The following MSL3 variants were observed in gnomAD, a reference collection of about 807,000 sequenced individuals.
MSL3 encodes MSL3-like 1.
MSL3 carries 5 observed loss-of-function variants against 37.2 expected under a neutral mutation model. That is an observed-to-expected ratio of 0.13 (90% confidence interval 0.07 to 0.28). The LOEUF (loss-of-function observed/expected upper bound fraction) is 0.28, where lower values mean the gene tolerates loss of function less well. Ranked by LOEUF, MSL3 falls within the 10% of genes least tolerant of loss-of-function variation. The pLI is 1.00. For missense variants in MSL3, 315 were observed against 408.5 expected, an observed-to-expected ratio of 0.77 and a Z score of 1.97; for synonymous variants, 149 against 147.6, an observed-to-expected ratio of 1.01 and a Z score of -0.07.
intron 7 of MSL3, 48 bp downstream of exon 7, chrX:11,763,045 AG>A: frequency 9.4e-7 from 1 of 1,063,608 alleles, no homozygotes; most frequent in Non-Finnish European, 1.2e-6. Context: ...TGTATTAGAG[AG>A]GTGGCTTCCA....
At chrX:11,773,200 A>G (rs1462266265) in intron 12 of MSL3, among the ~76,000 whole-genome samples, 1 of 111,951 alleles carries the variant, frequency 8.9e-6, no homozygotes, top group Non-Finnish European at 1.9e-5. Flanking sequence ...ATTCAGACCA[A>G]GGTATTGTTT....
At chrX:11,760,646 C>T (rs2053123485) in intron 3 of MSL3, 148 bp downstream of exon 3, 1 of 486,791 alleles carries the variant, frequency 2.1e-6, no homozygotes, top group African/African-American at 2.9e-5. Flanking sequence ...AAGAGTGTTC[C>T]TATGGTATTC....
Position 11,772,029 on chromosome X carries a change from C to T in MSL3, c.1282-127C>T, listed in dbSNP as rs1601774226. On this transcript the variant is annotated intron_variant, in intron 10 of 12. Transcript: ENST00000312196. Reference sequence around the variant, plus strand: ...GCCTTTCATCTTTGTTTTTTGTAAGCTTGTGTTTATTTTGATCCAATCACT... The same window carrying T: ...GCCTTTCATCTTTGTTTTTTGTAAGTTTGTGTTTATTTTGATCCAATCACT... The T allele has an allele frequency of 8.3e-6, 4 of 483,331 alleles. No individual in the cohort carries two copies. The East Asian group carries it at 1.4e-4, about 17-fold the overall frequency. The allele number at this position is 483,331 out of a possible 1,213,427, so 39.8% of individuals were successfully genotyped here. A position where few individuals can be genotyped will look rare whatever the true frequency, so the allele number is the denominator to read the frequency against.
chrX:11,759,273 C>A (rs966193993), intron 1 of MSL3, among the ~76,000 whole-genome samples: 1 of 112,333 alleles, frequency 8.9e-6, no homozygotes, highest in Non-Finnish European at 1.9e-5. Context: ...GCCTTCAGTT[C>A]CCTCCCCTGC....
intron 2 of MSL3, 120 bp downstream of exon 2, chrX:11,759,995 T>C: frequency 3.6e-6 from 3 of 831,436 alleles, no homozygotes; most frequent in Non-Finnish European, 5.0e-6. Flanking sequence ...TTTTACTTTG[T>C]AGCATTGCAA....
intron 1 of MSL3, chrX:11,758,650 G>T (rs1176246149): frequency 1.7e-6 from 2 of 1,160,866 alleles, no homozygotes; most frequent in African/African-American, 3.6e-5. Context: ...GCCCCCGACT[G>T]CAACGGTGGC....
At chrX:11,774,901 G>A in intron 12 of MSL3, 79 bp from the exon 13 acceptor site, 1 of 684,766 alleles carries the variant, frequency 1.5e-6, no homozygotes, top group Non-Finnish European at 2.3e-6. Flanking sequence ...TGAAATGTTA[G>A]TAGGTTGAAA....
At chrX:11,758,490 T>G in intron 1 of MSL3, 125 bp downstream of exon 1, 1 of 986,604 alleles carries the variant, frequency 1.0e-6, no homozygotes, top group Non-Finnish European at 1.3e-6. Context: ...CGAGGAGCGG[T>G]GCGGCCGGCA....
rs1168338756 is a variant in MSL3, at chrX:11,768,019, G to C, written c.1172-554G>C. On this transcript the variant is annotated intron_variant, in intron 9 of 12. Transcript: ENST00000312196. ...ATTTTTTATTTGTATTTATTGATGT[G>C]AAATTCACATATAAAATTAACCATT... 9.1e-6 allele frequency: 6 copies of C among 659,136 alleles called. No individual in the cohort carries two copies. The African/African-American group carries it at 9.5e-5, about 10-fold the overall frequency. 54.3% of individuals were successfully genotyped at this position (659,136 alleles called of 1,213,427 possible).
chrX:11,766,637 G>C lies in MSL3; in HGVS notation c.1171+908G>C, dbSNP rs769945378. 22 of 753,314 alleles carry C rather than the reference G, an allele frequency of 2.9e-5. No homozygotes were observed. The South Asian group carries it at 1.2e-3, about 39-fold the overall frequency. The allele number at this position is 753,314 out of a possible 1,213,427, so 62.1% of individuals were successfully genotyped here. On this transcript the variant is annotated intron_variant, in intron 9 of 12. Transcript: ENST00000312196. ...GAAAGTTGATGGCAGCAGGGCCGACGATGTCACCTGGTGCCTCGCGGGCTC... is the reference window on the plus strand; with the variant it reads ...GAAAGTTGATGGCAGCAGGGCCGACCATGTCACCTGGTGCCTCGCGGGCTC...
chrX:11,762,669 A>G (rs1376342006), intron 6 of MSL3, among the ~76,000 whole-genome samples, 168 bp from the exon 7 acceptor site: 2 of 113,063 alleles, frequency 1.8e-5, no homozygotes, highest in African/African-American at 6.4e-5. Flanking sequence ...CAGTAGAGAA[A>G]AAAAGATCAA....
chrX:11,765,237 G>C (rs1333627457), intron 8 of MSL3, among the ~76,000 whole-genome samples: 1 of 112,045 alleles, frequency 8.9e-6, no homozygotes, highest in Non-Finnish European at 1.9e-5. Context: ...TCTGTTCCCT[G>C]TCAGGGCAAC....
intron 1 of MSL3, 147 bp downstream of exon 1, chrX:11,758,512 C>A: frequency 1.9e-6 from 2 of 1,031,118 alleles, no homozygotes; most frequent in East Asian, 3.9e-5. Flanking sequence ...GGGGCGCTCA[C>A]AGGGCGCTAC....
At chrX:11,759,566 T>G in intron 1 of MSL3, 1 of 1,017,427 alleles carries the variant, frequency 9.8e-7, no homozygotes, top group Non-Finnish European at 1.3e-6. Context: ...AGCCTCACAC[T>G]GTCTCACGCT....
At chrX:11,766,737 CAG>C (rs776391695) in intron 9 of MSL3, 7 of 753,383 alleles carry the variant, frequency 9.3e-6, no homozygotes, top group Non-Finnish European at 1.1e-5. Context: ...GAGGTGGAAA[CAG>C]AGCTACGCCA....
At chrX:11,763,070 A>G in intron 7 of MSL3, 73 bp downstream of exon 7, 1 of 841,129 alleles carries the variant, frequency 1.2e-6, no homozygotes, top group African/African-American at 2.1e-5. Flanking sequence ...AGAACAGGTG[A>G]CACTTGTCTC....
chrX:11,765,521 G>T lies in MSL3; in HGVS notation c.963G>T (p.Gln321His), dbSNP rs1390232029. The change falls in exon 9 of 13, where the codon CAG (glutamine) becomes CAT (histidine). Residue 321 changes from glutamine to histidine, a missense_variant. Transcript: ENST00000312196. ...CTTTGTTGAATCCATCCACGCCACA[G>T]TCCACAGAGAGTCAGCCGACCACCG... is the stretch of plus-strand genomic sequence containing the variant. Reference protein sequence around the residue: ...SPPLLNPSTPQSTESQPTTGE... With the variant: ...SPPLLNPSTPHSTESQPTTGE... 1 of 1,210,190 alleles carries T rather than the reference G, an allele frequency of 8.3e-7. No individual in the cohort carries two copies. Among genetic ancestry groups the T allele is most frequent in the Admixed American group, 2.2e-5 (1 of 45,850 alleles).
In MSL3 at chrX:11,770,550, G is replaced by A. The variant is rs756033265; in HGVS notation, c.1282-1606G>A. On this transcript the variant is annotated intron_variant, in intron 10 of 12. Transcript: ENST00000312196. Reference sequence around the variant, plus strand: ...TCTCACAAGGACTCATGAGACCTTCGTGGATTCCCACCTTCTTACGTACGT... The same window carrying A: ...TCTCACAAGGACTCATGAGACCTTCATGGATTCCCACCTTCTTACGTACGT... Among the ~76,000 whole-genome samples the A allele has an allele frequency of 2.7e-5, 3 of 111,344 alleles. No individual in the cohort carries two copies. The South Asian group carries it at 1.1e-3, about 42-fold the overall frequency.
intron 10 of MSL3, among the ~76,000 whole-genome samples, chrX:11,770,575 T>C (rs980409030): frequency 2.6e-4 from 29 of 110,975 alleles, no homozygotes; most frequent in Non-Finnish European, 3.8e-5. Flanking sequence ...CTTACGTACG[T>C]CTACCACCGT....
Sources: gnomAD v4.1 joint callset for allele counts (sites outside exome capture counted in the v4.1 genomes callset) on GRCh38, gnomAD v4.1.1 for gene constraint, MANE v1.5 for transcripts, NCBI Gene and HGNC (gene_info 2026-07-23, HGNC 2026-07-21) for gene names.